Variants in NEO1 observed in about 807,000 individuals in gnomAD.
NEO1 encodes neogenin.
Under a neutral mutation model 159.7 loss-of-function variants are expected in NEO1, and 63 were observed. The ratio of observed to expected loss-of-function variants is 0.39; its 90% CI spans 0.32 to 0.49. The LOEUF is 0.49. Among genes scored for constraint, NEO1 ranks in the 20% least tolerant of loss-of-function variants. The probability of loss-of-function intolerance (pLI) is 0.85; values close to 1 mark genes in which losing one functional copy is unlikely to be tolerated. For synonymous variants in NEO1, 633 were observed against 662.0 expected (o/e 0.96, Z 0.67); for missense variants, 1,615 against 1,831.0 (o/e 0.88, Z 2.15).
intron 4 of NEO1, among the ~76,000 whole-genome samples, chr15:73,133,748 A>AG (rs2031418486): frequency 6.6e-6 from 1 of 152,114 alleles, no homozygotes; most frequent in Non-Finnish European, 1.5e-5. Context: ...GGAGTTCTAA[A>AG]GGCTCGATGG....
At position 73,258,965 on chromosome 15, in the gene NEO1, A is replaced by C; in HGVS notation, c.2203+89A>C. On this transcript the variant is annotated intron_variant, in intron 14 of 28. Transcript: ENST00000261908. ...CTGGAAAGCCACAGACTTGGGGTGG[A>C]TATGGCTCAAGTCTGTGAACTTTAG... 3.7e-6 allele frequency: 4 copies of C among 1,083,272 alleles called. No homozygotes were observed. The South Asian group carries it at 5.2e-5, about 14-fold the overall frequency. The allele number at this position is 1,083,272 out of a possible 1,614,324, so 67.1% of individuals were successfully genotyped here.
Position 73,176,443 on chromosome 15 carries a change from T to A in NEO1, c.1056T>A (p.Ala352=), listed in dbSNP as rs1596262983. The stretch of plus-strand genomic sequence containing the variant: ...TGAAGCAGCCTACTAATATATATGC[T>A]CACGAATCTATGGATATTGTATTTG... ...EFLKQPTNIY[A]HESMDIVFEC... Residue 352 remains alanine, a synonymous_variant, in exon 6 of 29, where the codon GCT becomes GCA. Coordinates refer to ENST00000261908, the MANE Select transcript of NEO1 (RefSeq NM_002499.4). 2 of 1,607,636 alleles carry A rather than the reference T, an allele frequency of 1.2e-6. No individual in the cohort carries two copies. Among genetic ancestry groups the A allele is most frequent in the Non-Finnish European group, 8.5e-7 (1 of 1,176,616 alleles).
chr15:73,052,735 C>A lies in NEO1; in HGVS notation c.60C>A (p.Cys20Ter). The A allele has an allele frequency of 7.5e-7, 1 of 1,325,480 alleles. No homozygotes were observed. The highest frequency in any genetic ancestry group is 9.7e-7 in the Non-Finnish European group (1 of 1,030,700). 82.1% of individuals were successfully genotyped at this position (1,325,480 alleles called of 1,614,324 possible). ...GCACCCCCTCCTTCTGGCTCTACTGCCTGCTGCTGCTCGGGCGCCGGGCGC... is the reference window on the plus strand; with the variant it reads ...GCACCCCCTCCTTCTGGCTCTACTGACTGCTGCTGCTCGGGCGCCGGGCGC... ...LLSTPSFWLY[C>*]LLLLGRRAPG... is the part of the protein sequence containing the mutation. The change falls in exon 1 of 29, where the codon TGC becomes TGA. Residue 20 changes from cysteine to a stop codon, truncating the protein, a stop_gained. Transcript: ENST00000261908. LOFTEE classifies it high-confidence loss of function.
intron 26 of NEO1, among the ~76,000 whole-genome samples, chr15:73,296,348 CCACCAGCTCCCCCGCCGTGGGGAT>C (rs994745728): frequency 1.3e-5 from 2 of 152,170 alleles, no homozygotes; most frequent in Non-Finnish European, 2.9e-5. Context: ...CAGAGGGGGA[CCACCAGCTCCCCCGCCGTGGGGAT>C]GGCTAGCTTG....
At chr15:73,097,776 C>CTTTTTTTTTTTTTTTTTTTTTTT (rs34165169) in intron 1 of NEO1, among the ~76,000 whole-genome samples, 1 of 75,554 alleles carries the variant, frequency 1.3e-5, no homozygotes, top group African/African-American at 8.4e-5. Context: ...TGGAACTAGC[C>CTTTTTTTTTTTTTTTTTTTTTTT]TTTTTTTTTT....
Position 73,249,138 on chromosome 15 carries a change from C to T in NEO1, c.1685C>T (p.Pro562Leu). The T allele has an allele frequency of 6.2e-7, 1 of 1,614,012 alleles. No homozygotes were observed. Among genetic ancestry groups the T allele is most frequent in the Non-Finnish European group, 8.5e-7 (1 of 1,179,916 alleles). ...TCCATCACTGTTACGTGGGAAACAC[C>T]AGTGTCTGGCAATGGGGAAATTCAG... is the stretch of plus-strand genomic sequence containing the variant. Reference protein sequence around the residue: ...PTSITVTWETPVSGNGEIQNY... With the variant: ...PTSITVTWETLVSGNGEIQNY... The change falls in exon 10 of 29, where the codon CCA becomes CTA. Residue 562 changes from proline to leucine, a missense_variant. Around this residue, in one of 3 missense-constraint regions of NEO1, gnomAD observed 1,018 missense variants for 1,115.4 expected, o/e 0.91. Coordinates refer to ENST00000261908, the MANE Select transcript of NEO1 (RefSeq NM_002499.4).
chr15:73,266,485 T>C, intron 16 of NEO1, 74 bp downstream of exon 16: 3 of 1,081,880 alleles, frequency 2.8e-6, no homozygotes, highest in East Asian at 5.2e-5. Context: ...ATGAGGCCTA[T>C]CCCATAGGTG....
At chr15:73,079,796 G>C (rs758269625) in intron 1 of NEO1, among the ~76,000 whole-genome samples, 55 of 152,268 alleles carry the variant, frequency 3.6e-4, no homozygotes, top group Admixed American at 8.5e-4. Context: ...TAGGAAATGA[G>C]AACTTGTGTT....
At chr15:73,211,569 G>A (rs1567493811) in intron 7 of NEO1, among the ~76,000 whole-genome samples, 1 of 152,178 alleles carries the variant, frequency 6.6e-6, no homozygotes, top group Non-Finnish European at 1.5e-5. Flanking sequence ...ACAAAAATTA[G>A]CCAGGCGTGG....
intron 8 of NEO1, 133 bp downstream of exon 8, chr15:73,236,639 A>G: frequency 2.7e-6 from 2 of 749,208 alleles, no homozygotes; most frequent in Non-Finnish European, 4.5e-6. Flanking sequence ...ACCTTCCCTA[A>G]TTTTAGGTCA....
chr15:73,301,228 C>T lies in NEO1; in HGVS notation c.4166-93C>T, dbSNP rs751682750. The T allele has an allele frequency of 2.6e-6, 4 of 1,529,832 alleles. No individual in the cohort carries two copies. The Admixed American group carries it at 5.6e-5, about 21-fold the overall frequency. The allele number at this position is 1,529,832 out of a possible 1,614,324, so 94.8% of individuals were successfully genotyped here. A position where few individuals can be genotyped will look rare whatever the true frequency, so the allele number is the denominator to read the frequency against. On this transcript the variant is annotated intron_variant, in intron 27 of 28. Coordinates refer to ENST00000261908, the MANE Select transcript of NEO1 (RefSeq NM_002499.4). ...CCCTGCACTGGGTCTGTATGTCTCT[C>T]TCACCCCGAAGCAGCACTTGGACCT...
At chr15:73,211,782 GAGA>G (rs1252932724) in intron 7 of NEO1, among the ~76,000 whole-genome samples, 1 of 152,176 alleles carries the variant, frequency 6.6e-6, no homozygotes, top group Non-Finnish European at 1.5e-5. Context: ...GAAATATGCA[GAGA>G]AGAAGCCCAA....
chr15:73,122,993 C>T lies in NEO1; in HGVS notation c.724+193C>T, dbSNP rs139528775. 3.3e-3 allele frequency among the ~76,000 whole-genome samples: 509 copies of T among 152,150 alleles called. 2 individuals are homozygous for T. The highest frequency in any genetic ancestry group is 5.2e-3 in the Non-Finnish European group (355 of 67,992). ...CCAACATGGCGAAACCCCATCTCTA[C>T]TAAAAATACAAAAATTAGCCAGACA... On this transcript the variant is annotated intron_variant, in intron 3 of 28. Transcript: ENST00000261908.
Position 73,136,037 on chromosome 15 carries a change from T to G in NEO1, c.1015+10T>G. 6.3e-7 allele frequency: 1 copy of G among 1,579,188 alleles called. No individual in the cohort carries two copies. Among genetic ancestry groups the G allele is most frequent in the East Asian group, 2.3e-5 (1 of 44,308 alleles). ...GAGCTTACAGTGCAAGGTATGTAAA[T>G]ATTTACTGTATAATTTAAAAATCCT... On this transcript the variant is annotated intron_variant, in intron 5 of 28. Coordinates refer to ENST00000261908, the MANE Select transcript of NEO1 (RefSeq NM_002499.4).
At chr15:73,288,983 C>T (rs2042056645) in intron 24 of NEO1, 163 bp from the exon 25 acceptor site, 2 of 617,472 alleles carry the variant, frequency 3.2e-6, no homozygotes, top group Admixed American at 2.6e-5. Flanking sequence ...TCTTGTAATG[C>T]TCTAATGATC....
rs187247200 is a variant in NEO1 at position 73,241,593 on chromosome 15, G to C, written c.1452-2751G>C. Among the ~76,000 whole-genome samples the C allele has an allele frequency of 2.9e-4, 44 of 152,282 alleles. No individual in the cohort carries two copies. The East Asian group carries it at 8.3e-3, about 29-fold the overall frequency. ...CAAGCTAGTAGCATTGCCAGAACTAGAATTGCATCTCCTAACTTCCAGCCC... is the reference window on the plus strand; with the variant it reads ...CAAGCTAGTAGCATTGCCAGAACTACAATTGCATCTCCTAACTTCCAGCCC... On this transcript the variant is annotated intron_variant, in intron 8 of 28. Coordinates refer to ENST00000261908, the MANE Select transcript of NEO1 (RefSeq NM_002499.4).
intron 7 of NEO1, among the ~76,000 whole-genome samples, chr15:73,216,731 C>T (rs922775954): frequency 2.0e-5 from 3 of 152,114 alleles, no homozygotes; most frequent in Admixed American, 2.0e-4. Context: ...TAAATGTCTT[C>T]TTTTGAGAAG....
intron 5 of NEO1, among the ~76,000 whole-genome samples, chr15:73,166,105 T>A (rs2034552742): frequency 6.6e-6 from 1 of 152,170 alleles, no homozygotes; most frequent in Non-Finnish European, 1.5e-5. Flanking sequence ...GGACCCACCC[T>A]AACTGCCTAC....
chr15:73,129,759 A>G (rs1244733790), intron 4 of NEO1, among the ~76,000 whole-genome samples: 2 of 152,262 alleles, frequency 1.3e-5, no homozygotes, highest in African/African-American at 4.8e-5. Context: ...AAAATGCTTG[A>G]TATTATTACA....
Sources: allele counts gnomAD v4.1 joint callset (sites outside exome capture counted in the v4.1 genomes callset), GRCh38; gene constraint gnomAD v4.1.1; regional missense constraint gnomAD v4.1.1; transcripts MANE v1.5; gene names NCBI Gene and HGNC (gene_info 2026-07-23, HGNC 2026-07-21).